Variants in DOCK1 observed in about 807,000 individuals in gnomAD.
DOCK1 encodes dedicator of cytokinesis protein 1.
Under a neutral mutation model 262.7 loss-of-function variants are expected in DOCK1, and 138 were observed. That is an observed-to-expected ratio of 0.53 (90% CI 0.46 to 0.61). The LOEUF (loss-of-function observed/expected upper bound fraction) is 0.61. Among genes scored for constraint, DOCK1 ranks in the 20% least tolerant of loss-of-function variants. The pLI is 0.00. For missense variants in DOCK1, 1,908 were observed against 2,370.7 expected (o/e 0.80, Z 4.05); for synonymous variants, 866 against 867.4 (o/e 1.00, Z 0.03).
chr10:127,272,482 G>A (rs10764925), intron 29 of DOCK1, among the ~76,000 whole-genome samples: 68,503 of 152,002 alleles, frequency 0.45, 15,701 homozygotes, highest in African/African-American at 0.52. Context: ...ACCATACCCC[G>A]AAAGGGAAGG....
intron 33 of DOCK1, among the ~76,000 whole-genome samples, chr10:127,364,600 A>C (rs1034995378): frequency 6.6e-6 from 1 of 152,146 alleles, no homozygotes; most frequent in Non-Finnish European, 1.5e-5. Flanking sequence ...TCTTGACCTC[A>C]TGATCCACTC....
At chr10:126,927,070 C>T (rs1029906687) in intron 1 of DOCK1, among the ~76,000 whole-genome samples, 13 of 152,262 alleles carry the variant, frequency 8.5e-5, no homozygotes, top group South Asian at 2.1e-4. Context: ...AGACCATTGG[C>T]GCCCTGCATC....
intron 27 of DOCK1, among the ~76,000 whole-genome samples, chr10:127,200,830 G>A (rs1455546118): frequency 6.6e-6 from 1 of 152,178 alleles, no homozygotes; most frequent in East Asian, 1.9e-4. Flanking sequence ...AACATCTAGA[G>A]GTGAGGAATG....
intron 27 of DOCK1, chr10:127,192,515 AC>A (rs1242742308): frequency 6.6e-6 from 1 of 152,160 alleles, no homozygotes; most frequent in Non-Finnish European, 1.5e-5. Flanking sequence ...ATCTTTATAC[AC>A]CTCAAAGTCC....
intron 27 of DOCK1, chr10:127,136,764 G>A (rs2050737117): frequency 6.5e-6 from 1 of 152,672 alleles, no homozygotes; most frequent in African/African-American, 2.4e-5. Flanking sequence ...TAGGTTAAAT[G>A]TAGGCGACAT....
Position 127,221,383 on chromosome 10 carries a change from A to G in DOCK1, c.2848-26625A>G, listed in dbSNP as rs944446729. Among the ~76,000 whole-genome samples the G allele has an allele frequency of 2.0e-5, 3 of 152,236 alleles. No homozygotes were observed. The South Asian group carries it at 6.2e-4, about 32-fold the overall frequency. On this transcript the variant is annotated intron_variant, in intron 27 of 51. Coordinates refer to ENST00000623213, the MANE Select transcript of DOCK1 (RefSeq NM_001290223.2). ...GTTGTTATGGCAACCCTAGGAAACT[A>G]ACATCAAGATCTTAACTCAAGATAT...
chr10:127,386,310 A>G (rs1270058722), intron 38 of DOCK1, among the ~76,000 whole-genome samples: 1 of 152,184 alleles, frequency 6.6e-6, no homozygotes, highest in Non-Finnish European at 1.5e-5. Flanking sequence ...CCAGTCCTGT[A>G]GTTTAGGGGT....
chr10:127,044,358 G>C (rs2044205986), intron 21 of DOCK1, among the ~76,000 whole-genome samples: 1 of 152,186 alleles, frequency 6.6e-6, no homozygotes, highest in Non-Finnish European at 1.5e-5. Flanking sequence ...GGAAGGCTAA[G>C]AGCTGTGAGG....
chr10:127,231,070 A>C (rs946365303), intron 27 of DOCK1, among the ~76,000 whole-genome samples: 12 of 152,094 alleles, frequency 7.9e-5, no homozygotes, highest in Non-Finnish European at 1.5e-5. Flanking sequence ...AGCATATTTT[A>C]TCACACGTTT....
intron 23 of DOCK1, among the ~76,000 whole-genome samples, chr10:127,088,698 C>G (rs1341138913): frequency 6.6e-6 from 1 of 152,068 alleles, no homozygotes; most frequent in Non-Finnish European, 1.5e-5. Context: ...TTTATGCTGA[C>G]CTTTTCATGA....
At chr10:127,139,079 C>T (rs2133250752) in intron 27 of DOCK1, among the ~76,000 whole-genome samples, 1 of 152,312 alleles carries the variant, frequency 6.6e-6, no homozygotes, top group East Asian at 1.9e-4. Context: ...GCTCTGTCCT[C>T]CTTCCATGTC....
intron 31 of DOCK1, 86 bp from the exon 32 acceptor site, chr10:127,354,583 C>A: frequency 1.3e-6 from 2 of 1,519,440 alleles, no homozygotes; most frequent in Non-Finnish European, 1.8e-6. Flanking sequence ...TGCTAGAAGG[C>A]TTTAATTGCA....
rs1443418499 is a variant in DOCK1 at position 127,452,147 on chromosome 10, T to G, written c.*720T>G. ...GTGTACCACAAGAGCTGGTTTTAATTGGGTGAATTGTTTTTGTCCTCATTC... is the reference window on the plus strand; with the variant it reads ...GTGTACCACAAGAGCTGGTTTTAATGGGGTGAATTGTTTTTGTCCTCATTC... On this transcript the variant is annotated 3_prime_UTR_variant, in exon 52 of 52. Transcript: ENST00000623213. 6.6e-6 allele frequency: 1 copy of G among 152,668 alleles called. No homozygotes were observed. The highest frequency in any genetic ancestry group is 1.5e-5 in the Non-Finnish European group (1 of 68,038). 9.5% of individuals were successfully genotyped at this position (152,668 alleles called of 1,614,324 possible).
chr10:127,279,055 C>T (rs569464197), intron 29 of DOCK1, among the ~76,000 whole-genome samples: 1 of 152,340 alleles, frequency 6.6e-6, no homozygotes, highest in South Asian at 2.1e-4. Context: ...TCTGTTGTTC[C>T]TCCTTTATAG....
intron 27 of DOCK1, among the ~76,000 whole-genome samples, chr10:127,140,988 C>T (rs970010569): frequency 3.3e-5 from 5 of 152,154 alleles, no homozygotes; most frequent in South Asian, 2.1e-4. Flanking sequence ...TCCTGCTGCC[C>T]GGCAGACCTG....
At chr10:127,080,107 T>C (rs1463961135) in intron 23 of DOCK1, among the ~76,000 whole-genome samples, 1 of 152,096 alleles carries the variant, frequency 6.6e-6, no homozygotes, top group Non-Finnish European at 1.5e-5. Flanking sequence ...GCGAGAGGAA[T>C]GCAAAAATAT....
intron 1 of DOCK1, among the ~76,000 whole-genome samples, chr10:126,915,245 A>T (rs1175505225): frequency 6.6e-6 from 1 of 152,168 alleles, no homozygotes; most frequent in Non-Finnish European, 1.5e-5. Context: ...TCACCCTGAA[A>T]GTCACTTGGC....
chr10:127,379,854 A>G (rs2065730438), intron 35 of DOCK1, among the ~76,000 whole-genome samples: 1 of 152,212 alleles, frequency 6.6e-6, no homozygotes, highest in Admixed American at 6.5e-5. Flanking sequence ...GATTTTAGTC[A>G]TCACAGTGTT....
intron 18 of DOCK1, among the ~76,000 whole-genome samples, chr10:127,033,373 T>C (rs772405190): frequency 2.6e-5 from 4 of 152,232 alleles, no homozygotes; most frequent in Non-Finnish European, 5.9e-5. Context: ...CCACCACTGC[T>C]TGCAGCCTCT....
Sources: allele counts gnomAD v4.1 joint callset (sites outside exome capture counted in the v4.1 genomes callset), GRCh38; gene constraint gnomAD v4.1.1; transcripts MANE v1.5; gene names NCBI Gene and HGNC (gene_info 2026-07-23, HGNC 2026-07-21).